Variants in OTOGL observed in about 807,000 individuals in gnomAD.
OTOGL encodes the protein otogelin like, also known as otogelin-like protein.
OTOGL carries 285 observed loss-of-function variants against 318.5 expected under a neutral mutation model. That is an observed-to-expected ratio of 0.89 (90% CI 0.81 to 0.99). The LOEUF (loss-of-function observed/expected upper bound fraction) is 0.99. OTOGL is among the 50% of genes least tolerant of loss of function. The pLI, the probability that OTOGL is intolerant of heterozygous loss-of-function variation, is 0.00. For missense variants in OTOGL, 2,899 were observed against 2,845.6 expected (o/e 1.02, Z -0.43); for synonymous variants, 987 against 936.5 (o/e 1.05, Z -0.99).
intron 11 of OTOGL, among the ~76,000 whole-genome samples, chr12:80,241,780 C>T (rs1259373124): frequency 2.6e-5 from 4 of 152,042 alleles, no homozygotes; most frequent in East Asian, 1.9e-4. Flanking sequence ...AAATCCATGC[C>T]GGTTAGTGGT....
At position 80,364,524 on chromosome 12, in the gene OTOGL, C is replaced by A. The variant is rs556703982; in HGVS notation, c.6268-2050C>A. On this transcript the variant is annotated intron_variant, in intron 52 of 58. Coordinates refer to ENST00000547103, the MANE Select transcript of OTOGL (RefSeq NM_001378609.3). ...AACACAATCAATTTTAGAAGAATTT[C>A]ATCAATCCAAAAAGAAACCCTGTAC... Among the ~76,000 whole-genome samples the A allele has an allele frequency of 2.2e-4, 33 of 152,164 alleles. No homozygotes were observed. In the South Asian group the frequency reaches 6.8e-3, roughly 32 times the overall value.
intron 19 of OTOGL, 66 bp from the exon 20 acceptor site, chr12:80,264,935 A>G: frequency 1.3e-6 from 2 of 1,483,356 alleles, no homozygotes; most frequent in Non-Finnish European, 9.4e-7. Flanking sequence ...AGAACGTGAA[A>G]TGCTTGGATA....
intron 18 of OTOGL, among the ~76,000 whole-genome samples, chr12:80,259,798 T>C (rs1203677079): frequency 6.6e-6 from 1 of 152,152 alleles, no homozygotes; most frequent in African/African-American, 2.4e-5. Flanking sequence ...AAGTCTTTGC[T>C]ATTGTAAATA....
chr12:80,161,180 A>C (rs1873492311), intron 1 of OTOGL, among the ~76,000 whole-genome samples: 1 of 152,062 alleles, frequency 6.6e-6, no homozygotes, highest in Non-Finnish European at 1.5e-5. Context: ...ATTACCACTA[A>C]AGAACTTAGT....
intron 1 of OTOGL, among the ~76,000 whole-genome samples, chr12:80,160,623 A>G (rs1470002885): frequency 3.9e-5 from 6 of 152,180 alleles, no homozygotes; most frequent in Non-Finnish European, 8.8e-5. Flanking sequence ...GAACACTTCT[A>G]CACTGCTGGT....
At position 80,110,853 on chromosome 12, in the gene OTOGL, A is replaced by C. The variant is rs528276515; in HGVS notation, c.-20+11248A>C. On this transcript the variant is annotated intron_variant, in intron 1 of 58. Coordinates refer to ENST00000547103, the MANE Select transcript of OTOGL (RefSeq NM_001378609.3). ...ACTGTCTTCCACAATGGTTGAACTA[A>C]TTTACACTCCCACCAACAGTGTAAA... Among the ~76,000 whole-genome samples the C allele has an allele frequency of 2.6e-5, 4 of 152,320 alleles. No homozygotes were observed. The South Asian group carries it at 8.3e-4, about 32-fold the overall frequency.
At chr12:80,341,737 T>G (rs895473433) in intron 43 of OTOGL, among the ~76,000 whole-genome samples, 1 of 152,074 alleles carries the variant, frequency 6.6e-6, no homozygotes, top group African/African-American at 2.4e-5. Context: ...TCTTTCTTAC[T>G]GGGTTAAGGC....
intron 1 of OTOGL, among the ~76,000 whole-genome samples, chr12:80,187,520 CA>C (rs752125416): frequency 2.6e-4 from 40 of 152,150 alleles, no homozygotes; most frequent in Non-Finnish European, 5.1e-4. Flanking sequence ...CTCCTGATTA[CA>C]ATATGAATAT....
At chr12:80,367,948 C>G (rs1276324418) in intron 54 of OTOGL, among the ~76,000 whole-genome samples, 1 of 152,086 alleles carries the variant, frequency 6.6e-6, no homozygotes, top group African/African-American at 2.4e-5. Flanking sequence ...TTATCTACAG[C>G]TTGCCAGGTT....
chr12:80,162,632 C>T (rs1037429100), intron 1 of OTOGL, among the ~76,000 whole-genome samples: 1 of 152,076 alleles, frequency 6.6e-6, no homozygotes, highest in African/African-American at 2.4e-5. Context: ...TCATCTCCCC[C>T]TGTCTCTTCA....
chr12:80,301,440 C>T (rs1257938717), intron 27 of OTOGL, among the ~76,000 whole-genome samples: 1 of 152,164 alleles, frequency 6.6e-6, no homozygotes, highest in Non-Finnish European at 1.5e-5. Flanking sequence ...CTACATTTTG[C>T]ACATGTGATA....
At chr12:80,106,599 C>G (rs1869469342) in intron 1 of OTOGL, among the ~76,000 whole-genome samples, 1 of 152,160 alleles carries the variant, frequency 6.6e-6, no homozygotes, top group Non-Finnish European at 1.5e-5. Context: ...GCAGCCATCT[C>G]ATGAAACATA....
At chr12:80,243,485 T>C (rs1445424705) in intron 11 of OTOGL, among the ~76,000 whole-genome samples, 1 of 151,578 alleles carries the variant, frequency 6.6e-6, no homozygotes, top group Non-Finnish European at 1.5e-5. Flanking sequence ...AAGGATATGA[T>C]AAAAATAAGA....
chr12:80,248,126 A>T (rs1432032370), intron 11 of OTOGL, among the ~76,000 whole-genome samples: 1 of 121,366 alleles, frequency 8.2e-6, no homozygotes, highest in African/African-American at 3.7e-5. Context: ...CCAACTTGCC[A>T]GTCTGTGTCT....
At chr12:80,142,689 T>C (rs1001782854) in intron 1 of OTOGL, among the ~76,000 whole-genome samples, 1 of 152,146 alleles carries the variant, frequency 6.6e-6, no homozygotes, top group Non-Finnish European at 1.5e-5. Flanking sequence ...TGCCTGTGTC[T>C]GTTCCCTTCT....
At chr12:80,261,086 G>A (rs562834606) in intron 18 of OTOGL, among the ~76,000 whole-genome samples, 5 of 152,114 alleles carry the variant, frequency 3.3e-5, no homozygotes, top group East Asian at 3.9e-4. Flanking sequence ...GTCCTCTCTC[G>A]GTCACTCTGC....
Position 80,136,322 on chromosome 12 carries a change from C to A in OTOGL, c.-20+36717C>A, listed in dbSNP as rs926098317. 5.3e-5 allele frequency among the ~76,000 whole-genome samples: 8 copies of A among 152,170 alleles called. No individual in the cohort carries two copies. In the South Asian group the frequency reaches 6.2e-4, roughly 12 times the overall value. ...GTTTCAATTCTTAGTCCTCATTTTACTGATTGAAACTGTATTGAGAGTCCA... is the reference window on the plus strand; with the variant it reads ...GTTTCAATTCTTAGTCCTCATTTTAATGATTGAAACTGTATTGAGAGTCCA... On this transcript the variant is annotated intron_variant, in intron 1 of 58. Coordinates refer to ENST00000547103, the MANE Select transcript of OTOGL (RefSeq NM_001378609.3).
At position 80,285,279 on chromosome 12, in the gene OTOGL, A is replaced by G. The variant is rs112371192; in HGVS notation, c.2928+6113A>G. ...AGTAGCTTGCTGTTTTGGTTACTAT[A>G]GCCTTGTAGTATAGTTTGCAGTCAG... On this transcript the variant is annotated intron_variant, in intron 26 of 58. Coordinates refer to ENST00000547103, the MANE Select transcript of OTOGL (RefSeq NM_001378609.3). 4.4e-3 allele frequency among the ~76,000 whole-genome samples: 664 copies of G among 152,200 alleles called. 7 individuals carry two copies. Among genetic ancestry groups the G allele is most frequent in the South Asian group, 0.013 (64 of 4,822 alleles).
chr12:80,235,830 C>T (rs1879798343), intron 9 of OTOGL, among the ~76,000 whole-genome samples: 1 of 152,100 alleles, frequency 6.6e-6, no homozygotes, highest in African/African-American at 2.4e-5. Context: ...TTATTTGCTT[C>T]ACAGTATAAG....
Sources: gnomAD v4.1 joint callset for allele counts (sites outside exome capture counted in the v4.1 genomes callset) on GRCh38, gnomAD v4.1.1 for gene constraint, MANE v1.5 for transcripts, NCBI Gene and HGNC (gene_info 2026-07-23, HGNC 2026-07-21) for gene names.